Variants in WDR31 observed in about 807,000 individuals in gnomAD.
WDR31 encodes WD repeat-containing protein 31.
A neutral mutation model predicts 47.3 loss-of-function variants in WDR31; 30 were observed. The ratio of observed to expected loss-of-function variants is 0.63; its 90% CI spans 0.47 to 0.86. WDR31 has a LOEUF of 0.86. Among genes scored for constraint, WDR31 ranks in the 40% least tolerant of loss-of-function variants. WDR31 has a pLI of 0.00. For synonymous variants in WDR31, 137 were observed against 159.4 expected, an observed-to-expected ratio of 0.86 and a Z score of 1.06; for missense variants, 406 against 442.9, an observed-to-expected ratio of 0.92 and a Z score of 0.75.
intron 5 of WDR31, among the ~76,000 whole-genome samples, chr9:113,327,846 G>A (rs1037203003): frequency 6.6e-6 from 1 of 152,176 alleles, no homozygotes; most frequent in African/African-American, 2.4e-5. Context: ...CACTTACTTG[G>A]GTGGCCAAGG....
chr9:113,334,300 A>C (rs1833670441), intron 2 of WDR31, among the ~76,000 whole-genome samples: 1 of 152,202 alleles, frequency 6.6e-6, no homozygotes, highest in African/African-American at 2.4e-5. Context: ...ATTATAATAG[A>C]CTGAATGCAG....
chr9:113,318,941 G>T (rs1158954469), intron 9 of WDR31, among the ~76,000 whole-genome samples: 3 of 152,196 alleles, frequency 2.0e-5, no homozygotes, highest in Non-Finnish European at 4.4e-5. Context: ...CAGCATGATG[G>T]TGTTCCATCA....
intron 2 of WDR31, among the ~76,000 whole-genome samples, chr9:113,334,973 A>C (rs1400371784): frequency 6.6e-6 from 1 of 152,178 alleles, no homozygotes; most frequent in Non-Finnish European, 1.5e-5. Flanking sequence ...CTACATAAAC[A>C]AAACCTCTTT....
chr9:113,338,913 C>T (rs888237695), intron 1 of WDR31, among the ~76,000 whole-genome samples: 5 of 152,292 alleles, frequency 3.3e-5, no homozygotes, highest in Non-Finnish European at 5.9e-5. Context: ...CCACCGTGCC[C>T]GGCCCAGTGG....
intron 2 of WDR31, among the ~76,000 whole-genome samples, chr9:113,332,947 G>C (rs1436688530): frequency 6.6e-6 from 1 of 152,176 alleles, no homozygotes; most frequent in East Asian, 1.9e-4. Flanking sequence ...CTCTTGCCAA[G>C]GGATGCCTGC....
chr9:113,339,694 T>C (rs1240529193), intron 1 of WDR31, among the ~76,000 whole-genome samples: 1 of 152,144 alleles, frequency 6.6e-6, no homozygotes, highest in Non-Finnish European at 1.5e-5. Flanking sequence ...CAAATGCTCC[T>C]CTCCCTGCCC....
chr9:113,322,775 C>CT (rs1564300111), intron 7 of WDR31, 36 bp downstream of exon 7: 1 of 1,605,682 alleles, frequency 6.2e-7, no homozygotes, highest in East Asian at 2.2e-5. Flanking sequence ...ATGCTCCTTT[C>CT]TGCTGCCCTG....
At chr9:113,333,370 A>ATTTTTTTTT (rs60772699) in intron 2 of WDR31, among the ~76,000 whole-genome samples, 65 of 102,936 alleles carry the variant, frequency 6.3e-4, no homozygotes, top group African/African-American at 2.2e-3. Flanking sequence ...TGGTTGTTGG[A>ATTTTTTTTT]TTTTTTTTTT....
chr9:113,334,506 A>T (rs1299765191), intron 2 of WDR31, among the ~76,000 whole-genome samples: 3 of 151,858 alleles, frequency 2.0e-5, no homozygotes, highest in Non-Finnish European at 4.4e-5. Context: ...TGTCTTTAAA[A>T]TTTGTTTTTT....
chr9:113,322,876 T>A lies in WDR31; in HGVS notation c.505A>T (p.Thr169Ser). ...SQLCTGSRDN[T>S]LLLWDVVTGQ... is the part of the protein sequence containing the mutation. ...GTCACCACATCCCACAGAAGCAGGG[T>A]GTTGTCCCGAGAGCCAGTGCACAGC... is the stretch of plus-strand genomic sequence containing the variant. Residue 169 changes from threonine (T) to serine (S), a missense_variant, in exon 7 of 11, where the codon ACC (threonine) becomes TCC (serine). Coordinates refer to ENST00000374193, the MANE Select transcript of WDR31 (RefSeq NM_001012361.4). 6.2e-7 allele frequency: 1 copy of A among 1,614,086 alleles called. No individual in the cohort carries two copies. The highest frequency in any genetic ancestry group is 8.5e-7 in the Non-Finnish European group (1 of 1,179,998).
rs1833218626 is a variant in WDR31, at chr9:113,316,920, A to G, written c.944-11T>C. ...AGGTGAAAAGGCAGGCTGGGGGGGA[A>G]AGGGGGACCAGCAGATTAGGCCAAG... On this transcript the variant is annotated splice_polypyrimidine_tract_variant and intron_variant, in intron 10 of 10. Transcript: ENST00000374193. 2 of 1,612,658 alleles carry G rather than the reference A, an allele frequency of 1.2e-6. No individual in the cohort carries two copies.
intron 2 of WDR31, among the ~76,000 whole-genome samples, chr9:113,333,076 A>G (rs1368155962): frequency 6.6e-6 from 1 of 152,120 alleles, no homozygotes; most frequent in Non-Finnish European, 1.5e-5. Flanking sequence ...TTTTCTTTAT[A>G]AACTACTTAG....
intron 2 of WDR31, among the ~76,000 whole-genome samples, chr9:113,334,665 G>A (rs1043184796): frequency 1.4e-5 from 2 of 145,294 alleles, no homozygotes; most frequent in Non-Finnish European, 1.5e-5. Context: ...TCAGCCTCCA[G>A]AGTAGCTGGG....
intron 7 of WDR31, among the ~76,000 whole-genome samples, chr9:113,322,039 G>A (rs1425383510): frequency 4.0e-5 from 6 of 151,886 alleles, no homozygotes; most frequent in Admixed American, 6.6e-5. Context: ...CACCAATATA[G>A]AGGGCATGGG....
Position 113,329,042 on chromosome 9 carries a change from C to T in WDR31, c.250-87G>A, listed in dbSNP as rs1002323294. 4.9e-6 allele frequency: 6 copies of T among 1,231,908 alleles called. No homozygotes were observed. The African/African-American group carries it at 8.9e-5, about 18-fold the overall frequency. The allele number at this position is 1,231,908 out of a possible 1,614,324, so 76.3% of individuals were successfully genotyped here. A position where few individuals can be genotyped will look rare whatever the true frequency, so the allele number is the denominator to read the frequency against. ...ACTGCATTCTCACCTTACTTTCTCCCTCCTCACTCACTCCCTCTCTGCTCA... is the reference window on the plus strand; with the variant it reads ...ACTGCATTCTCACCTTACTTTCTCCTTCCTCACTCACTCCCTCTCTGCTCA... On this transcript the variant is annotated intron_variant, in intron 4 of 10. Transcript: ENST00000374193.
chr9:113,338,585 A>T (rs1833763571), intron 1 of WDR31, among the ~76,000 whole-genome samples: 1 of 151,846 alleles, frequency 6.6e-6, no homozygotes, highest in Non-Finnish European at 1.5e-5. Context: ...TGAATGGAAT[A>T]CTAAGATGAA....
At chr9:113,318,106 A>G (rs1009270040) in intron 10 of WDR31, among the ~76,000 whole-genome samples, 1 of 152,264 alleles carries the variant, frequency 6.6e-6, no homozygotes, top group African/African-American at 2.4e-5. Context: ...TTCTGAAAGT[A>G]TCCTTACTCC....
chr9:113,330,998 C>T lies in WDR31; in HGVS notation c.235G>A (p.Gly79Arg), dbSNP rs1468076555. ...AALNSDLCVS[G>R]GKDKTVVAYN... ...GCAAACCCCACCTTATCTTTCCCTC[C>T]AGAGACACAAAGGTCTGAGTTCAAA... The change falls in exon 4 of 11, where the codon GGA (glycine) becomes AGA (arginine). Residue 79 changes from glycine to arginine, a missense_variant. By Grantham distance (125) the Gly-to-Arg change is moderately radical. Coordinates refer to ENST00000374193, the MANE Select transcript of WDR31 (RefSeq NM_001012361.4). The T allele has an allele frequency of 6.2e-7, 1 of 1,608,022 alleles. No individual in the cohort carries two copies. The highest frequency in any genetic ancestry group is 8.5e-7 in the Non-Finnish European group (1 of 1,175,466).
chr9:113,316,942 C>G, intron 10 of WDR31, 33 bp from the exon 11 acceptor site: 1 of 1,606,992 alleles, frequency 6.2e-7, no homozygotes, highest in Non-Finnish European at 8.5e-7. Flanking sequence ...CAGATTAGGC[C>G]AAGAGTGTAG....
Sources: gnomAD v4.1 joint callset for allele counts (sites outside exome capture counted in the v4.1 genomes callset) on GRCh38, gnomAD v4.1.1 for gene constraint, MANE v1.5 for transcripts, NCBI Gene and HGNC (gene_info 2026-07-23, HGNC 2026-07-21) for gene names.